Variants in LRRFIP2 observed in about 807,000 individuals in gnomAD.
LRRFIP2 encodes LRR binding FLII interacting protein 2.
LRRFIP2 carries 109 observed loss-of-function variants against 125.9 expected under a neutral mutation model. The ratio of observed to expected loss-of-function variants is 0.87; its 90% confidence interval spans 0.74 to 1.01. LRRFIP2 has a LOEUF of 1.01. LRRFIP2 is among the 50% of genes least tolerant of loss of function. LRRFIP2 has a pLI of 0.00. For synonymous variants in LRRFIP2, 291 were observed against 293.1 expected (o/e 0.99, Z 0.07); for missense variants, 850 against 862.3 (o/e 0.99, Z 0.18).
intron 2 of LRRFIP2, chr3:37,135,204 T>C: frequency 1.3e-6 from 1 of 782,180 alleles, no homozygotes; most frequent in Non-Finnish European, 2.1e-6. Context: ...CTCACACCTG[T>C]AATCCTAGCA....
intron 27 of LRRFIP2, 147 bp downstream of exon 27, chr3:37,054,264 A>G (rs2086173738): frequency 4.6e-6 from 3 of 649,868 alleles, no homozygotes; most frequent in Non-Finnish European, 8.0e-6. Flanking sequence ...GGCAGTCACT[A>G]TGCAGGTCAA....
At chr3:37,106,646 TA>T (rs2094338780) in intron 13 of LRRFIP2, among the ~76,000 whole-genome samples, 1 of 151,880 alleles carries the variant, frequency 6.6e-6, no homozygotes, top group Admixed American at 6.6e-5. Flanking sequence ...CCTCTCTAAA[TA>T]AAAATTAAAA....
In LRRFIP2 at chr3:37,053,855, T is replaced by C. The variant is rs757874084; in HGVS notation, c.2162A>G (p.Gln721Arg). Reference sequence around the variant, plus strand: ...CCAGGTTGAAGGGTGGTTTTCCTACTGCTGGGCCAGAAGTGCTGTCCTATT... The same window carrying C: ...CCAGGTTGAAGGGTGGTTTTCCTACCGCTGGGCCAGAAGTGCTGTCCTATT... The part of the protein sequence containing the change: ...KANRTALLAQ[Q>R] The change falls in exon 28 of 28, where the codon CAG (glutamine) becomes CGG (arginine). Residue 721 changes from glutamine to arginine, a missense_variant. Coordinates refer to ENST00000336686, the MANE Select transcript of LRRFIP2 (RefSeq NM_006309.4). 30 of 1,613,020 alleles carry C rather than the reference T, an allele frequency of 1.9e-5. No individual in the cohort carries two copies. The highest frequency in any genetic ancestry group is 2.4e-5 in the Non-Finnish European group (28 of 1,178,918).
rs1164957594 is a variant in LRRFIP2 at position 37,106,668 on chromosome 3, C to CCTAATTTTAGGCGT, written c.715-1146_715-1145insACGCCTAAAATTAG. ...AAATAAAAATTAAAATTAGGCCAGG[C>CCTAATTTTAGGCGT]ACAGTGGTTCACGCCTGTAATCCCA... On this transcript the variant is annotated intron_variant, in intron 13 of 27. Coordinates refer to ENST00000336686, the MANE Select transcript of LRRFIP2 (RefSeq NM_006309.4). Among the ~76,000 whole-genome samples the CCTAATTTTAGGCGT allele has an allele frequency of 1.1e-4, 16 of 152,000 alleles. No homozygotes were observed. The East Asian group carries it at 3.1e-3, about 29-fold the overall frequency.
intron 18 of LRRFIP2, among the ~76,000 whole-genome samples, chr3:37,091,174 G>C (rs2093413255): frequency 6.6e-6 from 1 of 151,628 alleles, no homozygotes; most frequent in Non-Finnish European, 1.5e-5. Flanking sequence ...CCAGGAATTT[G>C]AGACCAGCCT....
Position 37,065,933 on chromosome 3 carries a change from A to T in LRRFIP2, c.1576T>A (p.Leu526Ile). Residue 526 changes from leucine (L) to isoleucine (I), a missense_variant, in exon 23 of 28, where the codon TTA becomes ATA. Physicochemically the swap from Leu to Ile is conservative, Grantham distance 5 (BLOSUM62 2). Coordinates refer to ENST00000336686, the MANE Select transcript of LRRFIP2 (RefSeq NM_006309.4). The stretch of plus-strand genomic sequence containing the variant: ...GGAGTGCCATCGGGGATTATAACTA[A>T]GCCATGTTTCTGCAGGGGGGAAAAA... ...ETVKTGEKHG[L>I]VIIPDGTPNG... The T allele has an allele frequency of 6.2e-7, 1 of 1,614,142 alleles. No homozygotes were observed. The highest frequency in any genetic ancestry group is 8.5e-7 in the Non-Finnish European group (1 of 1,180,006).
At chr3:37,101,696 A>T (rs1003657957) in intron 15 of LRRFIP2, among the ~76,000 whole-genome samples, 4 of 151,630 alleles carry the variant, frequency 2.6e-5, no homozygotes, top group African/African-American at 9.7e-5. Context: ...AAGAAGAAGA[A>T]GAAAGAAAGA....
intron 14 of LRRFIP2, among the ~76,000 whole-genome samples, chr3:37,104,557 T>A (rs2149353677): frequency 6.6e-6 from 1 of 152,374 alleles, no homozygotes; most frequent in Middle Eastern, 3.4e-3. Context: ...TAACTCATGT[T>A]AAATGGCCTA....
chr3:37,063,939 A>T, intron 23 of LRRFIP2, 148 bp from the exon 24 acceptor site: 1 of 627,442 alleles, frequency 1.6e-6, no homozygotes, highest in South Asian at 2.1e-5. Flanking sequence ...AAAGGTGTTA[A>T]TAGCATTACA....
intron 1 of LRRFIP2, among the ~76,000 whole-genome samples, chr3:37,149,557 T>A (rs910503519): frequency 6.6e-6 from 1 of 152,188 alleles, no homozygotes; most frequent in South Asian, 2.1e-4. Context: ...TAGTTATTTC[T>A]AAAACCAATT....
At position 37,066,174 on chromosome 3, in the gene LRRFIP2, T is replaced by TAG. The variant is rs772444882; in HGVS notation, c.1566+48_1566+49dup. ...GATGGCAGGATGAAAGGAAGGAAGA[T>TAG]AGAGAGTAAAACAGTGAGGGACCTG... On this transcript the variant is annotated intron_variant, in intron 22 of 27. Transcript: ENST00000336686. 2.0e-6 allele frequency: 3 copies of TAG among 1,483,160 alleles called. No individual in the cohort carries two copies. The South Asian group carries it at 3.4e-5, about 17-fold the overall frequency. 91.9% of individuals were successfully genotyped at this position (1,483,160 alleles called of 1,614,324 possible).
intron 21 of LRRFIP2, among the ~76,000 whole-genome samples, chr3:37,072,419 T>C (rs558993336): frequency 8.0e-5 from 12 of 149,688 alleles, no homozygotes; most frequent in Admixed American, 2.7e-4. Flanking sequence ...GGAGAATCAC[T>C]TGAACCCAGG....
chr3:37,059,606 G>A (rs1041924797), intron 24 of LRRFIP2, among the ~76,000 whole-genome samples: 2 of 152,032 alleles, frequency 1.3e-5, no homozygotes, highest in African/African-American at 4.8e-5. Flanking sequence ...GGCCAACATG[G>A]TGAAACCCCA....
chr3:37,132,375 A>G (rs2095448710), intron 2 of LRRFIP2, among the ~76,000 whole-genome samples: 1 of 152,198 alleles, frequency 6.6e-6, no homozygotes, highest in African/African-American at 2.4e-5. Context: ...TACAATCTAT[A>G]TATACTAAAA....
At chr3:37,091,097 TG>T (rs1303000600) in intron 18 of LRRFIP2, among the ~76,000 whole-genome samples, 2 of 152,068 alleles carry the variant, frequency 1.3e-5, no homozygotes, top group African/African-American at 4.8e-5. Context: ...TAAAGGAGGC[TG>T]GGCGAGGTGG....
At chr3:37,096,692 G>C (rs1271336078) in intron 15 of LRRFIP2, 32 bp from the exon 16 acceptor site, 1 of 1,390,322 alleles carries the variant, frequency 7.2e-7, no homozygotes, top group South Asian at 1.3e-5. Context: ...AATCAGTAAA[G>C]ATGCTTAGCA....
intron 13 of LRRFIP2, 44 bp downstream of exon 13, chr3:37,108,029 C>G: frequency 6.5e-7 from 1 of 1,543,186 alleles, no homozygotes; most frequent in African/African-American, 1.4e-5. Flanking sequence ...ATTAACGCAA[C>G]AATCAAAAAT....
intron 4 of LRRFIP2, among the ~76,000 whole-genome samples, chr3:37,124,619 G>A (rs2095204016): frequency 6.6e-6 from 1 of 152,054 alleles, no homozygotes; most frequent in Admixed American, 6.5e-5. Context: ...CAGCACAGAA[G>A]GATTAAGTAA....
rs2088318470 is a variant in LRRFIP2, at chr3:37,060,558, C to T, written c.1750-1648G>A. The stretch of plus-strand genomic sequence containing the variant: ...CCTCAAGTCATCCACCCACCTTGGC[C>T]TCCCCAAGTGCTGGGATTACAGACA... On this transcript the variant is annotated intron_variant, in intron 24 of 27. Transcript: ENST00000336686. This position sits in a 1 kb window ranked among gnomAD's most constrained non-coding sequence, Gnocchi z 4.1. Among the ~76,000 whole-genome samples the T allele has an allele frequency of 6.6e-6, 1 of 152,058 alleles. No individual in the cohort carries two copies. The highest frequency in any genetic ancestry group is 6.5e-5 in the Admixed American group (1 of 15,280).
Sources: allele counts gnomAD v4.1 joint callset (sites outside exome capture counted in the v4.1 genomes callset), GRCh38; gene constraint gnomAD v4.1.1; non-coding constraint Gnocchi (gnomAD v3.1); transcripts MANE v1.5; gene names NCBI Gene and HGNC (gene_info 2026-07-23, HGNC 2026-07-21).